ADAM10: variants seen among roughly 807,000 people sequenced by gnomAD.
ADAM10 encodes the protein disintegrin and metalloproteinase domain-containing protein 10.
ADAM10 carries 17 observed loss-of-function variants against 90.1 expected under a neutral mutation model. The ratio of observed to expected loss-of-function variants is 0.19; its 90% CI spans 0.13 to 0.28. The LOEUF (loss-of-function observed/expected upper bound fraction) is 0.28, where lower values mean the gene tolerates loss of function less well. Among genes scored for constraint, ADAM10 ranks in the 10% least tolerant of loss-of-function variants. The pLI, the probability that ADAM10 is intolerant of heterozygous loss-of-function variation, is 1.00. For missense variants in ADAM10, 610 were observed against 914.3 expected, an observed-to-expected ratio of 0.67 and a Z score of 4.29; for synonymous variants, 310 against 298.6, an observed-to-expected ratio of 1.04 and a Z score of -0.40.
intron 11 of ADAM10, 111 bp from the exon 12 acceptor site, chr15:58,612,102 C>T: frequency 9.1e-7 from 1 of 1,095,206 alleles, no homozygotes; most frequent in South Asian, 1.4e-5. Context: ...TTTTTAAATC[C>T]TAAGTCTCAT....
At chr15:58,737,896 T>G (rs1314275048) in intron 1 of ADAM10, among the ~76,000 whole-genome samples, 2 of 152,192 alleles carry the variant, frequency 1.3e-5, no homozygotes, top group African/African-American at 4.8e-5. Context: ...GTCACCATCA[T>G]CACCTTGGTG....
chr15:58,632,326 T>A (rs1314519889), intron 9 of ADAM10, among the ~76,000 whole-genome samples: 1 of 152,198 alleles, frequency 6.6e-6, no homozygotes, highest in Non-Finnish European at 1.5e-5. Flanking sequence ...GAATGTGTAC[T>A]GAAATACGTA....
chr15:58,709,801 T>C (rs1898415476), intron 2 of ADAM10, among the ~76,000 whole-genome samples: 1 of 152,134 alleles, frequency 6.6e-6, no homozygotes. Context: ...AAGCCTGTTT[T>C]AGATTACCTT....
chr15:58,728,375 G>A (rs916833541), intron 1 of ADAM10, among the ~76,000 whole-genome samples: 7 of 151,948 alleles, frequency 4.6e-5, no homozygotes, highest in Non-Finnish European at 8.8e-5. Flanking sequence ...TTATGAATTC[G>A]TACACTTAAA....
chr15:58,734,102 A>C (rs2140841006), intron 1 of ADAM10, among the ~76,000 whole-genome samples: 1 of 152,302 alleles, frequency 6.6e-6, no homozygotes, highest in East Asian at 1.9e-4. Context: ...TATTTTTAAA[A>C]GTATCCTAAT....
chr15:58,670,751 AT>A (rs1897173163), intron 4 of ADAM10, among the ~76,000 whole-genome samples: 1 of 152,164 alleles, frequency 6.6e-6, no homozygotes, highest in African/African-American at 2.4e-5. Context: ...AAAATACTTA[AT>A]TTACATACAA....
At chr15:58,701,110 A>G (rs1392111903) in intron 2 of ADAM10, among the ~76,000 whole-genome samples, 1 of 151,992 alleles carries the variant, frequency 6.6e-6, no homozygotes, top group Non-Finnish European at 1.5e-5. Flanking sequence ...TTTTGAAAAG[A>G]TAAATAAAAT....
intron 15 of ADAM10, among the ~76,000 whole-genome samples, chr15:58,598,811 G>T (rs1007139718): frequency 6.6e-6 from 1 of 152,142 alleles, no homozygotes; most frequent in Non-Finnish European, 1.5e-5. Context: ...ATCTAAAGAG[G>T]GTTCTTCCTC....
At chr15:58,731,021 T>C (rs936543039) in intron 1 of ADAM10, among the ~76,000 whole-genome samples, 1 of 152,212 alleles carries the variant, frequency 6.6e-6, no homozygotes, top group Non-Finnish European at 1.5e-5. Context: ...TCAGTCTGTA[T>C]AATCGTGTAA....
intron 2 of ADAM10, chr15:58,690,964 C>T (rs1596072653): frequency 2.2e-6 from 1 of 460,344 alleles, no homozygotes; most frequent in East Asian, 4.9e-5. Flanking sequence ...TTGTTCTTGT[C>T]TGCCTCAGCC....
chr15:58,731,834 C>T (rs1255280045), intron 1 of ADAM10, among the ~76,000 whole-genome samples: 5 of 152,090 alleles, frequency 3.3e-5, no homozygotes, highest in Admixed American at 6.5e-5. Flanking sequence ...ATGACATGTG[C>T]GGCCTGGTCT....
At chr15:58,608,166 C>T (rs1306698882) in intron 14 of ADAM10, among the ~76,000 whole-genome samples, 2 of 152,124 alleles carry the variant, frequency 1.3e-5, no homozygotes, top group African/African-American at 4.8e-5. Flanking sequence ...AACCCATGCC[C>T]TGAAGTTCTA....
At chr15:58,688,845 A>G (rs1459294325) in intron 2 of ADAM10, among the ~76,000 whole-genome samples, 1 of 148,580 alleles carries the variant, frequency 6.7e-6, no homozygotes, top group East Asian at 2.0e-4. Flanking sequence ...AAAGAATATC[A>G]GCGAACTTGA....
intron 2 of ADAM10, among the ~76,000 whole-genome samples, chr15:58,700,762 C>G (rs1336710559): frequency 2.0e-5 from 3 of 151,936 alleles, no homozygotes; most frequent in African/African-American, 7.3e-5. Flanking sequence ...TGCCTGAAAG[C>G]CCAGCACCCT....
chr15:58,710,462 A>G (rs1215012747), intron 2 of ADAM10, among the ~76,000 whole-genome samples: 1 of 152,176 alleles, frequency 6.6e-6, no homozygotes, highest in East Asian at 1.9e-4. Flanking sequence ...AAGTAATTCA[A>G]GTAGCCATTA....
intron 1 of ADAM10, among the ~76,000 whole-genome samples, chr15:58,731,402 T>G (rs867413525): frequency 1.1e-4 from 17 of 152,084 alleles, no homozygotes; most frequent in Middle Eastern, 6.8e-3. Flanking sequence ...GCAGATCGCT[T>G]AAACCCAGGA....
At chr15:58,603,845 A>T (rs1895183299) in intron 14 of ADAM10, among the ~76,000 whole-genome samples, 1 of 150,536 alleles carries the variant, frequency 6.6e-6, no homozygotes, top group African/African-American at 2.5e-5. Context: ...TACACAAGAA[A>T]TCCATCCTAG....
chr15:58,721,797 G>A (rs1898863108), intron 1 of ADAM10, among the ~76,000 whole-genome samples: 1 of 152,178 alleles, frequency 6.6e-6, no homozygotes, highest in African/African-American at 2.4e-5. Context: ...GGAGGCTGAG[G>A]GGGGTGAATC....
At chr15:58,633,390 G>A (rs775469115) in intron 8 of ADAM10, 31 bp from the exon 9 acceptor site, 5 of 1,597,692 alleles carry the variant, frequency 3.1e-6, no homozygotes, top group Non-Finnish European at 3.4e-6. Flanking sequence ...GGCTAAATTA[G>A]TATCTGTTTC....
Sources: allele counts gnomAD v4.1 joint callset (sites outside exome capture counted in the v4.1 genomes callset), GRCh38; gene constraint gnomAD v4.1.1; transcripts MANE v1.5; gene names NCBI Gene and HGNC (gene_info 2026-07-23, HGNC 2026-07-21).